Variants in MACROD1 observed in about 807,000 individuals in gnomAD.
MACROD1 encodes the protein ADP-ribose glycohydrolase MACROD1.
In MACROD1, 31 loss-of-function variants were observed where a neutral mutation model predicts 41.4. That is an observed-to-expected ratio of 0.75 (90% CI 0.56 to 1.01). MACROD1 has a LOEUF of 1.01. Ranked by LOEUF, MACROD1 falls within the 50% of genes least tolerant of loss-of-function variation. The pLI, the probability that MACROD1 is intolerant of heterozygous loss-of-function variation, is 0.00. For missense variants in MACROD1, 473 were observed against 460.0 expected (o/e 1.03, Z -0.26); for synonymous variants, 252 against 203.4 (o/e 1.24, Z -2.03).
At chr11:64,125,799 A>T (rs1000953375) in intron 3 of MACROD1, among the ~76,000 whole-genome samples, 1 of 152,244 alleles carries the variant, frequency 6.6e-6, no homozygotes, top group Non-Finnish European at 1.5e-5. Context: ...AGGGCCCCAC[A>T]GAGGCGCTGC....
intron 3 of MACROD1, among the ~76,000 whole-genome samples, chr11:64,024,223 C>T (rs1371829196): frequency 1.3e-5 from 2 of 152,244 alleles, no homozygotes; most frequent in Non-Finnish European, 2.9e-5. Context: ...ATTCCCATGG[C>T]CCTGAAGGAC....
rs565692877 is a variant in MACROD1, at chr11:64,030,573, G to A, written c.518-15292C>T. Reference sequence around the variant, plus strand: ...ATTCTAAGTCACGATACTATTGTACGTACTCCCCAGGAAGCAAACACAACG... The same window carrying A: ...ATTCTAAGTCACGATACTATTGTACATACTCCCCAGGAAGCAAACACAACG... On this transcript the variant is annotated intron_variant, in intron 3 of 10. Coordinates refer to ENST00000255681, the MANE Select transcript of MACROD1 (RefSeq NM_014067.4). Among the ~76,000 whole-genome samples the A allele has an allele frequency of 2.0e-5, 3 of 152,194 alleles. No individual in the cohort carries two copies. In the East Asian group the frequency reaches 5.8e-4, roughly 29 times the overall value.
intron 1 of MACROD1, among the ~76,000 whole-genome samples, chr11:64,158,168 T>G (rs540160327): frequency 3.9e-5 from 6 of 152,164 alleles, no homozygotes; most frequent in African/African-American, 1.4e-4. Context: ...TTCTGCACAG[T>G]GTGGTGTGAG....
intron 4 of MACROD1, chr11:64,001,344 C>T (rs369168773): frequency 2.3e-5 from 16 of 682,742 alleles, no homozygotes; most frequent in Non-Finnish European, 4.0e-5. Context: ...GCCGGGAGGA[C>T]AGGGCCCATC....
chr11:64,071,538 G>A lies in MACROD1; in HGVS notation c.518-56257C>T, dbSNP rs116047050. 4.3e-3 allele frequency among the ~76,000 whole-genome samples: 647 copies of A among 152,154 alleles called. 3 individuals carry two copies. Among genetic ancestry groups the A allele is most frequent in the African/African-American group, 0.015 (616 of 41,518 alleles). ...CACCCTGGGGCCCATCCCAGACCAG[G>A]GGCCCACTCTGGGCAGGGTGGGAAA... On this transcript the variant is annotated intron_variant, in intron 3 of 10. Transcript: ENST00000255681.
At chr11:64,033,195 C>G (rs1024560371) in intron 3 of MACROD1, among the ~76,000 whole-genome samples, 1 of 152,212 alleles carries the variant, frequency 6.6e-6, no homozygotes, top group Non-Finnish European at 1.5e-5. Context: ...AGCCCCCATG[C>G]TGGAATTTCA....
chr11:64,094,023 G>A (rs375970717), intron 3 of MACROD1, among the ~76,000 whole-genome samples: 5 of 152,228 alleles, frequency 3.3e-5, no homozygotes, highest in Non-Finnish European at 7.3e-5. Context: ...AGGGCCGGGC[G>A]CAGTGGCTTA....
chr11:64,123,629 A>G (rs1945134269), intron 3 of MACROD1, among the ~76,000 whole-genome samples: 1 of 152,050 alleles, frequency 6.6e-6, no homozygotes, highest in African/African-American at 2.4e-5. Context: ...AATGGACCAG[A>G]GCACTCAGGC....
chr11:64,000,057 C>T, intron 5 of MACROD1, 170 bp downstream of exon 5: 1 of 641,666 alleles, frequency 1.6e-6, no homozygotes, highest in South Asian at 1.9e-5. Flanking sequence ...CGGTCTCCCC[C>T]ATGTGCTTCC....
chr11:64,149,090 C>T (rs1945536988), intron 3 of MACROD1: 1 of 897,970 alleles, frequency 1.1e-6, no homozygotes, highest in Non-Finnish European at 1.3e-6. Flanking sequence ...TAAACTGAGG[C>T]AAGCAGGGGG....
At chr11:64,117,563 G>T (rs371219543) in intron 3 of MACROD1, 1 of 1,607,074 alleles carries the variant, frequency 6.2e-7, no homozygotes, top group Non-Finnish European at 8.5e-7. Flanking sequence ...CCATGGCCAC[G>T]GGTGATGGCG....
intron 3 of MACROD1, among the ~76,000 whole-genome samples, chr11:64,085,883 G>A (rs905028433): frequency 2.0e-5 from 3 of 152,194 alleles, no homozygotes; most frequent in Admixed American, 6.5e-5. Context: ...GGGGGGTGAG[G>A]AAAGGGGGCC....
At chr11:64,128,124 C>T (rs560610054) in intron 3 of MACROD1, among the ~76,000 whole-genome samples, 1 of 152,290 alleles carries the variant, frequency 6.6e-6, no homozygotes, top group South Asian at 2.1e-4. Flanking sequence ...CCTCCTCCAT[C>T]CTCACCTCCT....
chr11:64,025,453 T>C (rs1943212135), intron 3 of MACROD1, among the ~76,000 whole-genome samples: 1 of 152,222 alleles, frequency 6.6e-6, no homozygotes, highest in African/African-American at 2.4e-5. Flanking sequence ...CAGCAACTGA[T>C]GAGCCTTTTC....
rs868108068 is a variant in MACROD1, at chr11:64,054,575, G to C, written c.518-39294C>G. On this transcript the variant is annotated intron_variant, in intron 3 of 10. Coordinates refer to ENST00000255681, the MANE Select transcript of MACROD1 (RefSeq NM_014067.4). ...GTGGCAGCCAGCCAGCAGGCCCCAG[G>C]CTGGTCCATCTACCAGGGCAAGCCA... 3.9e-5 allele frequency among the ~76,000 whole-genome samples: 6 copies of C among 152,258 alleles called. No individual in the cohort carries two copies. In the South Asian group the frequency reaches 1.2e-3, roughly 32 times the overall value.
At chr11:63,999,620 T>TC in intron 6 of MACROD1, 22 bp downstream of exon 6, 1 of 1,608,914 alleles carries the variant, frequency 6.2e-7, no homozygotes, top group Non-Finnish European at 8.5e-7. Context: ...CCTCCCGCCC[T>TC]CCCCCGCGGG....
chr11:64,148,973 A>C (rs1590969386), intron 3 of MACROD1: 1 of 985,274 alleles, frequency 1.0e-6, no homozygotes, highest in Non-Finnish European at 1.2e-6. Flanking sequence ...CCGTGTTCAG[A>C]CCCTGCCTCC....
chr11:64,141,537 G>A (rs1352624221), intron 3 of MACROD1, among the ~76,000 whole-genome samples: 1 of 152,248 alleles, frequency 6.6e-6, no homozygotes, highest in African/African-American at 2.4e-5. Context: ...CCTTGCCAAG[G>A]AACTGGCGGA....
In MACROD1 at chr11:63,999,675, C is replaced by T. The variant is rs1007527120; in HGVS notation, c.753G>A (p.Leu251=). ...AELRSCYLSS[L]DLLLEHRLRS... ...GGAGCCGGTGCTCCAGCAGCAGGTC[C>T]AGACTGCTCAGGTAGCAGCTGCGGA... The change falls in exon 6 of 11, where the codon CTG becomes CTA. Residue 251 remains leucine (L), a synonymous_variant. Transcript: ENST00000255681. 2 of 1,609,530 alleles carry T rather than the reference C, an allele frequency of 1.2e-6. No individual in the cohort carries two copies. Among genetic ancestry groups the T allele is most frequent in the African/African-American group, 2.7e-5 (2 of 74,984 alleles).
Sources: gnomAD v4.1 joint callset for allele counts (sites outside exome capture counted in the v4.1 genomes callset) on GRCh38, gnomAD v4.1.1 for gene constraint, MANE v1.5 for transcripts, NCBI Gene and HGNC (gene_info 2026-07-23, HGNC 2026-07-21) for gene names.